Variants in THRB observed in about 807,000 individuals in gnomAD.
THRB encodes the protein nuclear receptor subfamily 1 group A member 2.
THRB carries 12 observed loss-of-function variants against 47.8 expected under a neutral mutation model. That is an observed-to-expected ratio of 0.25 (90% CI 0.16 to 0.41). THRB has a LOEUF of 0.41. Among genes scored for constraint, THRB ranks in the 10% least tolerant of loss-of-function variants. The probability of loss-of-function intolerance (pLI) is 1.00; values close to 1 mark genes in which losing one functional copy is unlikely to be tolerated. For missense variants in THRB, 348 were observed against 589.2 expected (o/e 0.59, Z 4.24); for synonymous variants, 218 against 212.2 (o/e 1.03, Z -0.24).
chr3:24,368,740 A>C (rs982716341), intron 1 of THRB, among the ~76,000 whole-genome samples: 11 of 152,154 alleles, frequency 7.2e-5, no homozygotes, highest in African/African-American at 2.7e-4. Context: ...GGCAATAGCC[A>C]GAAAGAATAG....
chr3:24,457,919 T>C (rs1316696586), intron 1 of THRB: 1 of 152,152 alleles, frequency 6.6e-6, no homozygotes, highest in Admixed American at 6.5e-5. Context: ...ATGGTAGTAA[T>C]TACTCAGTAA....
At chr3:24,449,223 A>G (rs2125505212) in intron 1 of THRB, among the ~76,000 whole-genome samples, 1 of 152,348 alleles carries the variant, frequency 6.6e-6, no homozygotes, top group Middle Eastern at 3.4e-3. Flanking sequence ...AACACTGTAT[A>G]CCAATATAAG....
At chr3:24,443,838 A>G (rs1050426710) in intron 1 of THRB, among the ~76,000 whole-genome samples, 6 of 152,182 alleles carry the variant, frequency 3.9e-5, no homozygotes, top group African/African-American at 1.4e-4. Context: ...ACAGAGTAAG[A>G]GACTGAAATT....
At chr3:24,402,379 CA>C in intron 1 of THRB, among the ~76,000 whole-genome samples, 1 of 151,976 alleles carries the variant, frequency 6.6e-6, no homozygotes, top group African/African-American at 2.4e-5. Flanking sequence ...GGGGTTGCCA[CA>C]AGCTCTCTAA....
chr3:24,333,477 G>T (rs2062050865), intron 2 of THRB, among the ~76,000 whole-genome samples: 1 of 152,164 alleles, frequency 6.6e-6, no homozygotes, highest in Admixed American at 6.5e-5. Context: ...ACTTGAAATA[G>T]GTCCTTTCAA....
intron 1 of THRB, among the ~76,000 whole-genome samples, chr3:24,446,922 G>T (rs2072144915): frequency 6.6e-6 from 1 of 152,182 alleles, no homozygotes; most frequent in Non-Finnish European, 1.5e-5. Context: ...AATAATCACA[G>T]AGATCTTTAC....
chr3:24,485,628 G>A (rs1230818898), intron 1 of THRB, among the ~76,000 whole-genome samples: 3 of 152,134 alleles, frequency 2.0e-5, no homozygotes. Context: ...GAAGGTCCTC[G>A]CCATCTGGCT....
At chr3:24,293,465 C>T (rs1298202219) in intron 3 of THRB, among the ~76,000 whole-genome samples, 1 of 151,928 alleles carries the variant, frequency 6.6e-6, no homozygotes, top group Non-Finnish European at 1.5e-5. Context: ...GTCAAACATG[C>T]AAAAAAGAAA....
At chr3:24,372,802 T>G (rs914470418) in intron 1 of THRB, among the ~76,000 whole-genome samples, 1 of 152,076 alleles carries the variant, frequency 6.6e-6, no homozygotes, top group Non-Finnish European at 1.5e-5. Flanking sequence ...CTGGAATGCT[T>G]CCCTACTGCA....
intron 1 of THRB, among the ~76,000 whole-genome samples, chr3:24,427,979 C>A (rs9812620): frequency 0.22 from 33,636 of 151,906 alleles, 4,261 homozygotes; most frequent in African/African-American, 0.34. Flanking sequence ...GGTTTGCATA[C>A]TTGCTCCAGC....
rs527292826 is a variant in THRB at position 24,278,969 on chromosome 3, C to A, written c.-43+18257G>T. ...AAGTGATCCTTCCCCCTCAGCCTCC[C>A]AAGTAGTTAGGACTACCGGTGCATA... On this transcript the variant is annotated intron_variant, in intron 3 of 10. Transcript: ENST00000646209. 3.9e-4 allele frequency among the ~76,000 whole-genome samples: 60 copies of A among 152,214 alleles called. No homozygotes were observed. In the East Asian group the frequency reaches 0.01, roughly 26 times the overall value.
intron 3 of THRB, among the ~76,000 whole-genome samples, chr3:24,274,145 A>C (rs919424291): frequency 2.6e-5 from 4 of 152,156 alleles, no homozygotes; most frequent in Non-Finnish European, 5.9e-5. Context: ...CATATTCTAG[A>C]CATCTGCCCT....
intron 4 of THRB, among the ~76,000 whole-genome samples, chr3:24,208,862 G>C (rs1290048992): frequency 1.3e-5 from 2 of 152,158 alleles, no homozygotes; most frequent in African/African-American, 4.8e-5. Context: ...TTAAACTAAA[G>C]AGCTTCTGCA....
chr3:24,383,970 A>G (rs2065891489), intron 1 of THRB, among the ~76,000 whole-genome samples: 1 of 152,174 alleles, frequency 6.6e-6, no homozygotes, highest in African/African-American at 2.4e-5. Flanking sequence ...CAATTAGGAA[A>G]GAATTCTTGA....
At chr3:24,294,766 A>G (rs4404389) in intron 3 of THRB, among the ~76,000 whole-genome samples, 19,284 of 151,970 alleles carry the variant, frequency 0.13, 1,326 homozygotes, top group South Asian at 0.21. Context: ...TTGTGAAGGA[A>G]CTCCATTAAG....
At position 24,236,054 on chromosome 3, in the gene THRB, G is replaced by T. The variant is rs552525813; in HGVS notation, c.-42-7053C>A. ...ATAAATGCAAATGGCTGTCCCCCTA[G>T]GTGGGCTGCACCCATGCTAGGAGGG... On this transcript the variant is annotated intron_variant, in intron 3 of 10. Transcript: ENST00000646209. Among the ~76,000 whole-genome samples, 13 of 152,254 alleles carry T rather than the reference G, an allele frequency of 8.5e-5. No homozygotes were observed. In the East Asian group the frequency reaches 2.3e-3, roughly 27 times the overall value.
chr3:24,300,070 T>A (rs2056827016), intron 2 of THRB, among the ~76,000 whole-genome samples: 1 of 152,024 alleles, frequency 6.6e-6, no homozygotes, highest in South Asian at 2.1e-4. Flanking sequence ...CAAAACAATA[T>A]TTTCCCTATG....
At chr3:24,232,139 A>G in intron 3 of THRB, among the ~76,000 whole-genome samples, 1 of 152,196 alleles carries the variant, frequency 6.6e-6, no homozygotes, top group South Asian at 2.1e-4. Context: ...CTGCTTCAAC[A>G]GTTCAGCACT....
intron 1 of THRB, among the ~76,000 whole-genome samples, chr3:24,382,111 G>T (rs2065756682): frequency 6.6e-6 from 1 of 151,960 alleles, no homozygotes; most frequent in African/African-American, 2.4e-5. Context: ...TACAAAGAAT[G>T]AATGTGATGA....
Sources: gnomAD v4.1 joint callset for allele counts (sites outside exome capture counted in the v4.1 genomes callset) on GRCh38, gnomAD v4.1.1 for gene constraint, MANE v1.5 for transcripts, NCBI Gene and HGNC (gene_info 2026-07-23, HGNC 2026-07-21) for gene names.